Variants in B3GAT2 observed in about 807,000 individuals in gnomAD.
B3GAT2 encodes galactosylgalactosylxylosylprotein 3-beta-glucuronosyltransferase 2.
Under a neutral mutation model 27.8 loss-of-function variants are expected in B3GAT2, and 26 were observed. The observed-to-expected ratio is 0.93, with a 90% CI of 0.68 to 1.30. The LOEUF (loss-of-function observed/expected upper bound fraction) is 1.30, where lower values mean the gene tolerates loss of function less well. B3GAT2 is among the 50% of genes most tolerant of loss of function. The pLI is 0.00. For synonymous variants in B3GAT2, 218 were observed against 195.1 expected (o/e 1.12, Z -0.98); for missense variants, 458 against 459.0 (o/e 1.00, Z 0.02).
At chr6:70,931,239 G>A (rs1773058809) in intron 1 of B3GAT2, among the ~76,000 whole-genome samples, 1 of 152,034 alleles carries the variant, frequency 6.6e-6, no homozygotes. Flanking sequence ...TGTAAATGAT[G>A]AGTTAATGGG....
chr6:70,925,251 A>C lies in B3GAT2; in HGVS notation c.591+30588T>G, dbSNP rs535726351. 9.8e-5 allele frequency among the ~76,000 whole-genome samples: 15 copies of C among 152,322 alleles called. No individual in the cohort carries two copies. In the East Asian group the frequency reaches 2.9e-3, roughly 29 times the overall value. On this transcript the variant is annotated intron_variant, in intron 1 of 3. Transcript: ENST00000230053. ...GCGTGAGTGACGCAGAAGACAGGAG[A>C]TTTCTGCATTTCCAACTAAGGTACT... is the stretch of plus-strand genomic sequence containing the variant.
At chr6:70,880,674 CAG>C (rs1029600814) in intron 2 of B3GAT2, among the ~76,000 whole-genome samples, 12 of 147,368 alleles carry the variant, frequency 8.1e-5, no homozygotes, top group African/African-American at 2.5e-4. Context: ...TTTTTTGAAA[CAG>C]AGTCTTGCTC....
At chr6:70,955,735 A>T in intron 1 of B3GAT2, 104 bp downstream of exon 1, 1 of 1,305,814 alleles carries the variant, frequency 7.7e-7, no homozygotes, top group Non-Finnish European at 1.0e-6. Context: ...AGAACTGAGA[A>T]CTCAAAAGTG....
In B3GAT2 at chr6:70,919,573, G is replaced by A. The variant is rs1562228795; in HGVS notation, c.592-25301C>T. Among the ~76,000 whole-genome samples, 3 of 152,158 alleles carry A rather than the reference G, an allele frequency of 2.0e-5. No individual in the cohort carries two copies. In the South Asian group the frequency reaches 6.2e-4, roughly 32 times the overall value. ...TGGTCTTTGATGTTGGTGACCTACG[G>A]ATGGGGTTTTCGTGTGGATGTCCTT... is the stretch of plus-strand genomic sequence containing the variant. On this transcript the variant is annotated intron_variant, in intron 1 of 3. Coordinates refer to ENST00000230053, the MANE Select transcript of B3GAT2 (RefSeq NM_080742.3).
chr6:70,922,743 T>C (rs968555307), intron 1 of B3GAT2, among the ~76,000 whole-genome samples: 4 of 152,010 alleles, frequency 2.6e-5, no homozygotes. Context: ...ATCAAAGATC[T>C]AAGTTTTCAT....
intron 1 of B3GAT2, among the ~76,000 whole-genome samples, chr6:70,922,876 G>C (rs113814458): frequency 1.3e-5 from 2 of 152,186 alleles, no homozygotes; most frequent in Non-Finnish European, 2.9e-5. Context: ...TGTTGGATTT[G>C]TGAATCTGGC....
rs1276128745 is a variant in B3GAT2, at chr6:70,956,128, A to G, written c.302T>C (p.Leu101Pro). ...CGCCACCTGGCGGAACGTGTTGGCC[A>G]GGCGGGTCAGCTCCGCTTTCTGCAC... ...RPVQKAELTR[L>P]ANTFRQVAQL... Residue 101 changes from leucine (L) to proline (P), a missense_variant, in exon 1 of 4, where the codon CTG (leucine) becomes CCG (proline). Leu to Pro is a moderately conservative substitution (Grantham distance 98). Transcript: ENST00000230053. 3 of 1,603,956 alleles carry G rather than the reference A, an allele frequency of 1.9e-6. No individual in the cohort carries two copies. Among genetic ancestry groups the G allele is most frequent in the East Asian group, 2.2e-5 (1 of 44,608 alleles).
intron 1 of B3GAT2, among the ~76,000 whole-genome samples, chr6:70,904,375 AAAT>A (rs1215136656): frequency 6.6e-6 from 1 of 152,062 alleles, no homozygotes; most frequent in Non-Finnish European, 1.5e-5. Context: ...AATAAAAACA[AAAT>A]AATTAGGTGG....
intron 1 of B3GAT2, among the ~76,000 whole-genome samples, chr6:70,927,791 A>C (rs1267297237): frequency 1.3e-5 from 2 of 152,338 alleles, no homozygotes; most frequent in South Asian, 2.1e-4. Flanking sequence ...ACAGAAGGTT[A>C]ACAAGGATAT....
rs1367589766 is a variant in B3GAT2, at chr6:70,859,355, C to T, written c.*2308G>A. 3.9e-6 allele frequency: 6 copies of T among 1,548,936 alleles called. No homozygotes were observed. The highest frequency in any genetic ancestry group is 5.2e-6 in the Non-Finnish European group (6 of 1,146,268). Reference sequence around the variant, plus strand: ...TAATGCAGAAGGGTGATGCTGTTCTCCAGCACTCCATCAGTGCAATCTACT... The same window carrying T: ...TAATGCAGAAGGGTGATGCTGTTCTTCAGCACTCCATCAGTGCAATCTACT... On this transcript the variant is annotated 3_prime_UTR_variant, in exon 4 of 4. Coordinates refer to ENST00000230053, the MANE Select transcript of B3GAT2 (RefSeq NM_080742.3).
At position 70,955,875 on chromosome 6, in the gene B3GAT2, G is replaced by C. The variant is rs758035011; in HGVS notation, c.555C>G (p.Asp185Glu). ...RAQPGVLFFA[D>E]DDNTYSLELF... is the part of the protein sequence containing the mutation. ...GCTCCAGACTATAGGTGTTGTCGTC[G>C]TCAGCGAAGAAGAGCACGCCGGGCT... is the stretch of plus-strand genomic sequence containing the variant. The change falls in exon 1 of 4, where the codon GAC (aspartate) becomes GAG (glutamate). Residue 185 changes from aspartate (D) to glutamate (E), a missense_variant. By Grantham distance (45) the Asp-to-Glu change is conservative. Coordinates refer to ENST00000230053, the MANE Select transcript of B3GAT2 (RefSeq NM_080742.3). The C allele has an allele frequency of 1.2e-6, 2 of 1,605,536 alleles. No individual in the cohort carries two copies. Among genetic ancestry groups the C allele is most frequent in the South Asian group, 2.2e-5 (2 of 90,098 alleles).
intron 1 of B3GAT2, among the ~76,000 whole-genome samples, chr6:70,937,443 C>A (rs1765310153): frequency 6.6e-6 from 1 of 151,936 alleles, no homozygotes; most frequent in Admixed American, 6.6e-5. Context: ...GGCAGAGACA[C>A]AGCCAAAAAA....
chr6:70,955,873 T>C lies in B3GAT2; in HGVS notation c.557A>G (p.Asp186Gly). ...AQPGVLFFAD[D>G]DNTYSLELFQ... is the part of the protein sequence containing the mutation. ...GAGCTCCAGACTATAGGTGTTGTCG[T>C]CGTCAGCGAAGAAGAGCACGCCGGG... Residue 186 changes from aspartate (D) to glycine (G), a missense_variant, in exon 1 of 4, where the codon GAC becomes GGC. Transcript: ENST00000230053. 1 of 1,604,902 alleles carries C rather than the reference T, an allele frequency of 6.2e-7. No homozygotes were observed. Among genetic ancestry groups the C allele is most frequent in the African/African-American group, 1.3e-5 (1 of 74,158 alleles).
At chr6:70,894,987 A>G (rs1323772574) in intron 1 of B3GAT2, among the ~76,000 whole-genome samples, 1 of 152,162 alleles carries the variant, frequency 6.6e-6, no homozygotes, top group Non-Finnish European at 1.5e-5. Context: ...GCTTGCTGAT[A>G]TTAGGCAGCA....
chr6:70,956,194 AGCTGCGGCTCCG>A lies in B3GAT2; in HGVS notation c.224_235del (p.Pro75_Gln78del), dbSNP rs1156303476. 2 of 1,611,922 alleles carry A rather than the reference AGCTGCGGCTCCG, an allele frequency of 1.2e-6. No homozygotes were observed. Among genetic ancestry groups the A allele is most frequent in the Admixed American group, 1.7e-5 (1 of 59,864 alleles). On this transcript the variant is annotated inframe_deletion, in exon 1 of 4. Transcript: ENST00000230053. ...GGGCGTGATGGCATAGATGGTGGGC[AGCTGCGGCTCCG>A]GCTGTGGCTGCGGCCGAGACTGGTT...
At chr6:70,946,001 A>C (rs935223877) in intron 1 of B3GAT2, among the ~76,000 whole-genome samples, 41 of 152,006 alleles carry the variant, frequency 2.7e-4, no homozygotes, top group Middle Eastern at 3.5e-3. Flanking sequence ...GAAATAAAAT[A>C]CTTTACAGAC....
chr6:70,938,604 T>C (rs894375682), intron 1 of B3GAT2, among the ~76,000 whole-genome samples: 13 of 150,872 alleles, frequency 8.6e-5, no homozygotes, highest in African/African-American at 3.2e-4. Flanking sequence ...ACGCTGCATA[T>C]CTACAACTAT....
At chr6:70,891,119 T>G (rs888273480) in intron 2 of B3GAT2, among the ~76,000 whole-genome samples, 3 of 152,178 alleles carry the variant, frequency 2.0e-5, no homozygotes, top group Non-Finnish European at 4.4e-5. Flanking sequence ...GTGGACTTCC[T>G]CACTTTTAGC....
chr6:70,937,821 C>T (rs1390603477), intron 1 of B3GAT2, among the ~76,000 whole-genome samples: 5 of 152,164 alleles, frequency 3.3e-5, no homozygotes, highest in Non-Finnish European at 5.9e-5. Context: ...AAACTGGAGG[C>T]ATTCCCTTTG....
Sources: gnomAD v4.1 joint callset for allele counts (sites outside exome capture counted in the v4.1 genomes callset) on GRCh38, gnomAD v4.1.1 for gene constraint, MANE v1.5 for transcripts, NCBI Gene and HGNC (gene_info 2026-07-23, HGNC 2026-07-21) for gene names.